The following STMN3 variants were observed in gnomAD, a reference collection of about 807,000 sequenced individuals.
STMN3 encodes the protein stathmin 3, also known as stathmin-3.
In STMN3, 24 loss-of-function variants were observed where a neutral mutation model predicts 23.2. That is an observed-to-expected ratio of 1.03 (90% CI 0.75 to 1.45). STMN3 has a LOEUF of 1.45. Ranked by LOEUF, STMN3 falls within the 40% of genes most tolerant of loss-of-function variation. The probability of loss-of-function intolerance (pLI) is 0.00; values close to 1 mark genes in which losing one functional copy is unlikely to be tolerated. For synonymous variants in STMN3, 117 were observed against 103.4 expected, an observed-to-expected ratio of 1.13 and a Z score of -0.80; for missense variants, 235 against 237.6, an observed-to-expected ratio of 0.99 and a Z score of 0.07.
intron 1 of STMN3, among the ~76,000 whole-genome samples, chr20:63,651,913 G>A (rs1302617689): frequency 6.6e-6 from 1 of 152,138 alleles, no homozygotes; most frequent in Non-Finnish European, 1.5e-5. Context: ...CCATGGGGAG[G>A]GACCGTCAGG....
At chr20:63,651,269 C>T (rs965639966) in intron 1 of STMN3, among the ~76,000 whole-genome samples, 9 of 152,208 alleles carry the variant, frequency 5.9e-5, no homozygotes, top group African/African-American at 2.2e-4. Flanking sequence ...CTCACTTCTA[C>T]AGAGGAGGAA....
chr20:63,647,948 G>GTGTGTATA (rs1320052757), intron 1 of STMN3, among the ~76,000 whole-genome samples: 8 of 63,830 alleles, frequency 1.3e-4, no homozygotes, highest in Non-Finnish European at 2.0e-4. Context: ...GTGTGTGTGT[G>GTGTGTATA]TATATATATA....
chr20:63,641,047 C>T lies in STMN3; in HGVS notation c.*291G>A, dbSNP rs935350839. The T allele has an allele frequency of 1.4e-5, 7 of 511,992 alleles. No homozygotes were observed. The highest frequency in any genetic ancestry group is 2.5e-5 in the Non-Finnish European group (7 of 280,184). The allele number at this position is 511,992 out of a possible 1,614,324, so 31.7% of individuals were successfully genotyped here. ...ATCCCACGCCACCGCCCTGGGTTTA[C>T]CACGGTCACCGCCACCTCTCTCACA... On this transcript the variant is annotated 3_prime_UTR_variant, in exon 5 of 5. Transcript: ENST00000370053.
At chr20:63,653,254 G>T (rs2089874875) in intron 1 of STMN3, 73 bp downstream of exon 1, 2 of 1,512,414 alleles carry the variant, frequency 1.3e-6, no homozygotes. Context: ...GCCGGCCGCT[G>T]CCCCAGGCGA....
At chr20:63,642,341 C>T (rs1458944336) in intron 3 of STMN3, 42 bp from the exon 4 acceptor site, 4 of 1,352,682 alleles carry the variant, frequency 3.0e-6, no homozygotes, top group African/African-American at 3.0e-5. Flanking sequence ...CAACCCCGGG[C>T]CCTGCCCGGC....
chr20:63,642,233 T>A lies in STMN3; in HGVS notation c.358A>T (p.Lys120Ter). 6.4e-7 allele frequency: 1 copy of A among 1,557,476 alleles called. No homozygotes were observed. The highest frequency in any genetic ancestry group is 8.7e-7 in the Non-Finnish European group (1 of 1,154,016). Residue 120 changes from lysine to a stop codon, truncating the protein, a stop_gained, in exon 4 of 5, where the codon AAG becomes TAG. Transcript: ENST00000370053. LOFTEE classifies it high-confidence loss of function. Reference sequence around the variant, plus strand: ...AAGTTGTTATTCTCCTCCAGCGCCTTGTGCAGCACCTCGCGCTCGTGCTCG... The same window carrying A: ...AAGTTGTTATTCTCCTCCAGCGCCTAGTGCAGCACCTCGCGCTCGTGCTCG... ...RREHEREVLH[K>*]ALEENNNFSR...
At chr20:63,644,636 G>A (rs2089795285) in intron 1 of STMN3, among the ~76,000 whole-genome samples, 1 of 152,178 alleles carries the variant, frequency 6.6e-6, no homozygotes, top group Non-Finnish European at 1.5e-5. Context: ...GCTGTGGTCT[G>A]AATGTTTCCA....
intron 1 of STMN3, among the ~76,000 whole-genome samples, chr20:63,651,981 G>A (rs936019036): frequency 6.6e-6 from 1 of 152,174 alleles, no homozygotes; most frequent in African/African-American, 2.4e-5. Flanking sequence ...TGCCCTCAGG[G>A]GCAGGAGGGG....
chr20:63,651,223 A>T (rs2089856352), intron 1 of STMN3, among the ~76,000 whole-genome samples: 1 of 152,090 alleles, frequency 6.6e-6, no homozygotes, highest in Non-Finnish European at 1.5e-5. Flanking sequence ...AGCCTCTCAA[A>T]GTGCTGGGAT....
chr20:63,640,306 G>C lies in STMN3; in HGVS notation c.*1032C>G, dbSNP rs1182935957. On this transcript the variant is annotated 3_prime_UTR_variant, in exon 5 of 5. Coordinates refer to ENST00000370053, the MANE Select transcript of STMN3 (RefSeq NM_015894.4). ...CTCAGCCCAGAGGGTGTGGGCAGGA[G>C]AGGCCTGGAGTCAGGCCTCCACCCA... 10 of 152,594 alleles carry C rather than the reference G, an allele frequency of 6.6e-5. No individual in the cohort carries two copies. 9.5% of individuals were successfully genotyped at this position (152,594 alleles called of 1,614,324 possible).
rs147951137 is a variant in STMN3 at position 63,647,799 on chromosome 20, G to A, written c.20-3490C>T. Among the ~76,000 whole-genome samples the A allele has an allele frequency of 8.9e-3, 1,019 of 114,480 alleles. 60 individuals are homozygous for A. The highest frequency in any genetic ancestry group is 0.014 in the Non-Finnish European group (794 of 55,146). 75.1% of individuals were successfully genotyped at this position (114,480 alleles called of 152,430 possible). A position where few individuals can be genotyped will look rare whatever the true frequency, so the allele number is the denominator to read the frequency against. On this transcript the variant is annotated intron_variant, in intron 1 of 4. Coordinates refer to ENST00000370053, the MANE Select transcript of STMN3 (RefSeq NM_015894.4). ...ACGTGTATATATATAATATATATAC[G>A]TATATATACACGTGTATATATAATA...
chr20:63,641,094 G>A lies in STMN3; in HGVS notation c.*244C>T, dbSNP rs1196599713. On this transcript the variant is annotated 3_prime_UTR_variant, in exon 5 of 5. Coordinates refer to ENST00000370053, the MANE Select transcript of STMN3 (RefSeq NM_015894.4). Reference sequence around the variant, plus strand: ...CACAGGGCCCCCGGGGGACCCAGCCGCGCCCGGCCTGGTGTCTGCACCGAG... The same window carrying A: ...CACAGGGCCCCCGGGGGACCCAGCCACGCCCGGCCTGGTGTCTGCACCGAG... 7 of 577,560 alleles carry A rather than the reference G, an allele frequency of 1.2e-5. No homozygotes were observed. Among genetic ancestry groups the A allele is most frequent in the Admixed American group, 2.8e-5 (1 of 36,120 alleles). The allele number at this position is 577,560 out of a possible 1,614,324, so 35.8% of individuals were successfully genotyped here.
intron 1 of STMN3, 35 bp downstream of exon 1, chr20:63,653,292 C>T: frequency 6.5e-7 from 1 of 1,544,114 alleles, no homozygotes; most frequent in East Asian, 2.5e-5. Context: ...GCTCAGATCC[C>T]GCCGCCCCAC....
At position 63,641,325 on chromosome 20, in the gene STMN3, C is replaced by T; in HGVS notation, c.*13G>A. The T allele has an allele frequency of 6.4e-7, 1 of 1,560,646 alleles. No individual in the cohort carries two copies. The highest frequency in any genetic ancestry group is 1.4e-5 in the African/African-American group (1 of 73,610). On this transcript the variant is annotated 3_prime_UTR_variant, in exon 5 of 5. Coordinates refer to ENST00000370053, the MANE Select transcript of STMN3 (RefSeq NM_015894.4). ...TGTTCTGTCGCAGGATGGGCGCCGC[C>T]CGTCCCGGGCCCTTAGCCCGACATC...
chr20:63,646,676 C>G (rs2089811966), intron 1 of STMN3, among the ~76,000 whole-genome samples: 1 of 151,908 alleles, frequency 6.6e-6, no homozygotes, highest in African/African-American at 2.4e-5. Context: ...AGAAACAGGA[C>G]TGTGCTCTGT....
intron 1 of STMN3, among the ~76,000 whole-genome samples, chr20:63,651,326 GC>G (rs1470686831): frequency 1.3e-5 from 2 of 152,182 alleles, no homozygotes; most frequent in African/African-American, 4.8e-5. Flanking sequence ...CACACAGAGT[GC>G]CGGGTGAGAG....
rs1187704824 is a variant in STMN3, at chr20:63,642,139, A to C, written c.452T>G (p.Leu151Arg). The change falls in exon 4 of 5, where the codon CTG (leucine) becomes CGG (arginine). Residue 151 changes from leucine to arginine, a missense_variant. Coordinates refer to ENST00000370053, the MANE Select transcript of STMN3 (RefSeq NM_015894.4). The stretch of plus-strand genomic sequence containing the variant: ...GCGCAGCCGCTCGCGCAGTGCGGCC[A>C]GGTGTGCCTCGCGGATCTCCTTGCT... ...ELSKEIREAHLAALRERLREK... is the reference protein window; with the variant it reads ...ELSKEIREAHRAALRERLREK... 16 of 1,360,394 alleles carry C rather than the reference A, an allele frequency of 1.2e-5. No homozygotes were observed. The highest frequency in any genetic ancestry group is 4.7e-4 in the Middle Eastern group (2 of 4,266). The allele number at this position is 1,360,394 out of a possible 1,614,324, so 84.3% of individuals were successfully genotyped here.
intron 3 of STMN3, among the ~76,000 whole-genome samples, chr20:63,642,769 G>A (rs1315285358): frequency 6.6e-6 from 1 of 152,186 alleles, no homozygotes; most frequent in Non-Finnish European, 1.5e-5. Context: ...CAGGAGCGGA[G>A]GGTCCCCAGG....
At chr20:63,647,826 A>G (rs1486318192) in intron 1 of STMN3, among the ~76,000 whole-genome samples, 1 of 128,212 alleles carries the variant, frequency 7.8e-6, no homozygotes, top group Non-Finnish European at 1.7e-5. Context: ...TATATAATAT[A>G]TATACGTATA....
Sources: allele counts gnomAD v4.1 joint callset (sites outside exome capture counted in the v4.1 genomes callset), GRCh38; gene constraint gnomAD v4.1.1; transcripts MANE v1.5; gene names NCBI Gene and HGNC (gene_info 2026-07-23, HGNC 2026-07-21).